The following AP1M2 variants were observed in gnomAD, a reference collection of about 807,000 sequenced individuals.
AP1M2 encodes AP-1 complex subunit mu-2.
Under a neutral mutation model 54.6 loss-of-function variants are expected in AP1M2, and 41 were observed. The observed-to-expected ratio is 0.75, with a 90% CI of 0.59 to 0.97. The LOEUF (loss-of-function observed/expected upper bound fraction) is 0.97, where lower values mean the gene tolerates loss of function less well. Ranked by LOEUF, AP1M2 falls within the 50% of genes least tolerant of loss-of-function variation. AP1M2 has a pLI of 0.00. For missense variants in AP1M2, 507 were observed against 561.2 expected, an observed-to-expected ratio of 0.90 and a Z score of 0.98; for synonymous variants, 219 against 215.9, an observed-to-expected ratio of 1.01 and a Z score of -0.13.
chr19:10,585,309 AAG>A (rs1487708363), intron 1 of AP1M2, among the ~76,000 whole-genome samples: 7 of 143,302 alleles, frequency 4.9e-5, no homozygotes, highest in South Asian at 2.2e-4. Context: ...GAAAGAAAGA[AAG>A]AAAGAAAGAA....
intron 1 of AP1M2, chr19:10,585,152 C>G (rs1917587033): frequency 6.7e-6 from 1 of 150,270 alleles, no homozygotes; most frequent in Admixed American, 6.7e-5. Context: ...GAGGTCGAGA[C>G]TACAGTGAGC....
intron 11 of AP1M2, 48 bp downstream of exon 11, chr19:10,574,369 C>T (rs915921549): frequency 1.4e-6 from 2 of 1,429,870 alleles, no homozygotes; most frequent in South Asian, 1.3e-5. Context: ...AGTCCCTACC[C>T]ACTGCCTTTC....
chr19:10,581,815 A>C lies in AP1M2; in HGVS notation c.331T>G (p.Tyr111Asp). ...ESIRDNFVIV[Y>D]ELLDELMDFG... Reference sequence around the variant, plus strand: ...TCCATGAGCTCGTCCAGCAACTCGTAGACGATGACAAAGTTGTCCCGGATG... The same window carrying C: ...TCCATGAGCTCGTCCAGCAACTCGTCGACGATGACAAAGTTGTCCCGGATG... The change falls in exon 4 of 12, where the codon TAC becomes GAC. Residue 111 changes from tyrosine to aspartate, a missense_variant. Coordinates refer to ENST00000250244, the MANE Select transcript of AP1M2 (RefSeq NM_005498.5). 4.3e-6 allele frequency: 7 copies of C among 1,613,996 alleles called. No individual in the cohort carries two copies. The highest frequency in any genetic ancestry group is 5.9e-6 in the Non-Finnish European group (7 of 1,179,992).
Position 10,583,948 on chromosome 19 carries a change from G to A in AP1M2, c.165C>T (p.Val55=), listed in dbSNP as rs973396049. 18 of 1,601,936 alleles carry A rather than the reference G, an allele frequency of 1.1e-5. No individual in the cohort carries two copies. The highest frequency in any genetic ancestry group is 1.4e-5 in the Non-Finnish European group (17 of 1,174,568). ...TGCTGTGTTTGATCCATAGGAAGTG[G>A]ACCTGGCCGTGGCTCAGCAGCGGGG... The part of the protein sequence containing the change: ...ALAPLLSHGQ[V]HFLWIKHSNL... Residue 55 remains valine, a synonymous_variant, in exon 2 of 12, where the codon GTC becomes GTT. Coordinates refer to ENST00000250244, the MANE Select transcript of AP1M2 (RefSeq NM_005498.5).
In AP1M2 at chr19:10,573,031, A is replaced by C. The variant is rs769647641; in HGVS notation, c.*35T>G. ...AAAATCTGCATCCGGGGCTGTAAGG[A>C]AGCCCCGTGTTCAAGCCCCCATCTC... On this transcript the variant is annotated 3_prime_UTR_variant, in exon 12 of 12. Transcript: ENST00000250244. 44 of 1,554,400 alleles carry C rather than the reference A, an allele frequency of 2.8e-5. No homozygotes were observed. The highest frequency in any genetic ancestry group is 3.7e-5 in the Non-Finnish European group (43 of 1,147,394).
chr19:10,578,744 G>T lies in AP1M2; in HGVS notation c.888+148C>A, dbSNP rs1025064529. The T allele has an allele frequency of 5.7e-6, 3 of 528,646 alleles. No individual in the cohort carries two copies. In the East Asian group the frequency reaches 9.3e-5, roughly 16 times the overall value. The allele number at this position is 528,646 out of a possible 1,614,324, so 32.7% of individuals were successfully genotyped here. ...TTTTTGTATTTTTTGTAGAAACAGG[G>T]TTTCGCCCTGTTGCCCAGGCTGGTC... On this transcript the variant is annotated intron_variant, in intron 8 of 11. Transcript: ENST00000250244.
chr19:10,579,574 G>A (rs968435169), intron 7 of AP1M2, 142 bp downstream of exon 7: 14 of 932,432 alleles, frequency 1.5e-5, no homozygotes, highest in African/African-American at 1.2e-4. Flanking sequence ...GGCTGGTCTC[G>A]AACTCCTGTC....
chr19:10,587,101 C>T, intron 1 of AP1M2, 89 bp downstream of exon 1: 2 of 1,451,706 alleles, frequency 1.4e-6, no homozygotes, highest in Non-Finnish European at 1.9e-6. Context: ...TCCCAGACCT[C>T]TTCCTGGCCC....
chr19:10,583,835 C>G (rs1204722402), intron 2 of AP1M2, 79 bp downstream of exon 2: 1 of 1,523,526 alleles, frequency 6.6e-7, no homozygotes, highest in Middle Eastern at 1.8e-4. Context: ...GTCCTCAGCC[C>G]ACCCTCTCTT....
chr19:10,575,160 T>A (rs1234650702), intron 9 of AP1M2, 131 bp from the exon 10 acceptor site: 1 of 1,055,040 alleles, frequency 9.5e-7, no homozygotes, highest in Non-Finnish European at 1.3e-6. Context: ...CTCCTTAGCC[T>A]GGGCAACATA....
chr19:10,580,853 G>A (rs1408421585), intron 6 of AP1M2, among the ~76,000 whole-genome samples: 1 of 151,910 alleles, frequency 6.6e-6, no homozygotes, highest in East Asian at 1.9e-4. Flanking sequence ...TACTCGAGAG[G>A]CTGAGGTGGG....
In AP1M2 at chr19:10,579,856, T is replaced by C. The variant is rs1216557675; in HGVS notation, c.676A>G (p.Ser226Gly). Residue 226 changes from serine to glycine, a missense_variant and splice_region_variant, in exon 7 of 12, where the codon AGC becomes GGC. Coordinates refer to ENST00000250244, the MANE Select transcript of AP1M2 (RefSeq NM_005498.5). ...TCCAGCTCTACTGATTTGTTCTTGC[T>C]GCCTGAAACTCAGAGTGGAGAGTGG... ...DRVLFELTGR[S>G]KNKSVELEDV... 3 of 1,607,600 alleles carry C rather than the reference T, an allele frequency of 1.9e-6. No homozygotes were observed. The highest frequency in any genetic ancestry group is 1.7e-6 in the Non-Finnish European group (2 of 1,176,640).
At position 10,581,630 on chromosome 19, in the gene AP1M2, T is replaced by C; in HGVS notation, c.403A>G (p.Ile135Val). The change falls in exon 5 of 12, where the codon ATC (isoleucine) becomes GTC (valine). Residue 135 changes from isoleucine (I) to valine (V), a missense_variant. Ile to Val is a conservative substitution (Grantham distance 29). Coordinates refer to ENST00000250244, the MANE Select transcript of AP1M2 (RefSeq NM_005498.5). ...TTDSKILQEY[I>V]TQQSNKLETG... The stretch of plus-strand genomic sequence containing the variant: ...TCCAGCTTGTTGCTCTGCTGAGTGA[T>C]GTACCTGGAGGGAGGGCGGCAGGGA... 1 of 1,613,934 alleles carries C rather than the reference T, an allele frequency of 6.2e-7. No homozygotes were observed. Among genetic ancestry groups the C allele is most frequent in the Non-Finnish European group, 8.5e-7 (1 of 1,179,942 alleles).
chr19:10,585,202 G>A (rs1917588842), intron 1 of AP1M2, among the ~76,000 whole-genome samples: 1 of 149,640 alleles, frequency 6.7e-6, no homozygotes, highest in Non-Finnish European at 1.5e-5. Flanking sequence ...GCAACAGAGT[G>A]AGACCCTGTC....
intron 9 of AP1M2, among the ~76,000 whole-genome samples, chr19:10,575,766 TTTC>T (rs1917208071): frequency 8.0e-6 from 1 of 125,044 alleles, no homozygotes; most frequent in Non-Finnish European, 1.6e-5. Flanking sequence ...TTTCTTTTTT[TTTC>T]TTTTTTTTTT....
In AP1M2 at chr19:10,584,025, T is replaced by C; in HGVS notation, c.88A>G (p.Ile30Val). ...NYKGDVAMSK[I>V]EHFMPLLVQR... ...ACCAGCAAAGGCATGAAGTGCTCAA[T>C]CTTGCTCATGGCCACATCGCCCTTG... Residue 30 changes from isoleucine to valine, a missense_variant, in exon 2 of 12, where the codon ATT (isoleucine) becomes GTT (valine). Physicochemically the swap from Ile to Val is conservative, Grantham distance 29. Coordinates refer to ENST00000250244, the MANE Select transcript of AP1M2 (RefSeq NM_005498.5). 1.2e-6 allele frequency: 2 copies of C among 1,610,918 alleles called. No homozygotes were observed. The highest frequency in any genetic ancestry group is 1.1e-5 in the South Asian group (1 of 90,238).
rs1164388710 is a variant in AP1M2 at position 10,574,427 on chromosome 19, G to A, written c.1239C>T (p.Thr413=). 1 of 1,557,632 alleles carries A rather than the reference G, an allele frequency of 6.4e-7. No homozygotes were observed. Among genetic ancestry groups the A allele is most frequent in the Admixed American group, 1.9e-5 (1 of 51,566 alleles). Residue 413 remains threonine (T), a synonymous_variant, in exon 11 of 12, where the codon ACC becomes ACT. Transcript: ENST00000250244. The part of the protein sequence containing the change: ...YQALPWVRYI[T]QSGDYQLRTS ...GCTGGGCTGCCTTACCGCCACTCTG[G>A]GTGATGTAGCGAACCCAGGGCAGGG... is the stretch of plus-strand genomic sequence containing the variant.
In AP1M2 at chr19:10,581,566, G is replaced by C. The variant is rs1245332736; in HGVS notation, c.467C>G (p.Ala156Gly). ...KSRVPPTVTN[A>G]VSWRSEGIKY... The stretch of plus-strand genomic sequence containing the variant: ...GATACCCTCGGAGCGCCAGGACACA[G>C]CGTTGGTGACAGTGGGTGGCACCCG... Residue 156 changes from alanine (A) to glycine (G), a missense_variant, in exon 5 of 12, where the codon GCT becomes GGT. By Grantham distance (60) the Ala-to-Gly change is moderately conservative. Transcript: ENST00000250244. The C allele has an allele frequency of 1.4e-5, 23 of 1,613,780 alleles. No individual in the cohort carries two copies. The highest frequency in any genetic ancestry group is 1.9e-5 in the Non-Finnish European group (23 of 1,179,874).
chr19:10,585,283 A>AAAGAAAGAAGGAAGGAAGGAAGGAAAG (rs1568434699), intron 1 of AP1M2, among the ~76,000 whole-genome samples: 2 of 104,570 alleles, frequency 1.9e-5, no homozygotes, highest in Admixed American at 9.6e-5. Context: ...AAAGAAGAAA[A>AAAGAAAGAAGGAAGGAAGGAAGGAAAG]AAAGAAAGAA....
Sources: allele counts gnomAD v4.1 joint callset (sites outside exome capture counted in the v4.1 genomes callset), GRCh38; gene constraint gnomAD v4.1.1; transcripts MANE v1.5; gene names NCBI Gene and HGNC (gene_info 2026-07-23, HGNC 2026-07-21).